CYP2J2: variants seen among roughly 807,000 people sequenced by gnomAD.
The protein encoded by CYP2J2 is cytochrome P450 2J2.
Under a neutral mutation model 48.8 loss-of-function variants are expected in CYP2J2, and 41 were observed. The ratio of observed to expected loss-of-function variants is 0.84; its 90% confidence interval spans 0.66 to 1.09. CYP2J2 has a LOEUF of 1.09. Among genes scored for constraint, CYP2J2 ranks in the 50% least tolerant of loss-of-function variants. CYP2J2 has a pLI of 0.00. For missense variants in CYP2J2, 644 were observed against 617.3 expected (o/e 1.04, Z -0.46); for synonymous variants, 221 against 227.1 (o/e 0.97, Z 0.24).
intron 8 of CYP2J2, among the ~76,000 whole-genome samples, chr1:59,899,170 T>A (rs778259804): frequency 1.3e-5 from 2 of 152,184 alleles, no homozygotes; most frequent in Non-Finnish European, 2.9e-5. Context: ...CACATGGATG[T>A]TGTGCAAGAG....
At chr1:59,965,486 T>C in the CYP2J2 span, among the ~76,000 whole-genome samples, 2 of 152,196 alleles carry the variant, frequency 1.3e-5, no homozygotes, top group African/African-American at 4.8e-5. Context: ...TGTGTTGTCA[T>C]CTACTGTCAG....
At chr1:59,961,977 A>G in the CYP2J2 span, among the ~76,000 whole-genome samples, 10 of 152,306 alleles carry the variant, frequency 6.6e-5, no homozygotes, top group African/African-American at 2.4e-4. Context: ...GTAGATAATA[A>G]GGAGTGATGC....
chr1:59,900,665 T>C lies in CYP2J2; in HGVS notation c.1330+300A>G, dbSNP rs11572307. ...AAAGAAAAAAAATGGAAGCACCTAA[T>C]CCTCTTTGTGAGCTGGTGGTGGAGT... On this transcript the variant is annotated intron_variant, in intron 8 of 8. Transcript: ENST00000371204. Among the ~76,000 whole-genome samples the C allele has an allele frequency of 0.071, 10,850 of 152,150 alleles. 387 individuals are homozygous for C. Among genetic ancestry groups the C allele is most frequent in the Middle Eastern group, 0.1 (30 of 294 alleles).
chr1:59,899,798 C>T (rs1449155266), intron 8 of CYP2J2, among the ~76,000 whole-genome samples: 3 of 152,128 alleles, frequency 2.0e-5, no homozygotes, highest in Admixed American at 6.6e-5. Flanking sequence ...ACCATGGGAG[C>T]AGTTTTGTTT....
chr1:59,934,989 G>GATATATATATATATATATATATATACAT, the CYP2J2 span, among the ~76,000 whole-genome samples: 7 of 58,400 alleles, frequency 1.2e-4, no homozygotes, highest in Non-Finnish European at 1.7e-4. Context: ...AAGAAAATGG[G>GATATATATATATATATATATATATACAT]ATATATATAT....
the CYP2J2 span, among the ~76,000 whole-genome samples, chr1:59,943,090 T>G: frequency 1.6e-3 from 238 of 152,324 alleles, no homozygotes; most frequent in African/African-American, 5.5e-3. Flanking sequence ...TTCTGGCCAT[T>G]TTAAATTTGA....
chr1:59,921,943 A>G (rs1314595692), intron 1 of CYP2J2, among the ~76,000 whole-genome samples: 1 of 152,130 alleles, frequency 6.6e-6, no homozygotes, highest in Non-Finnish European at 1.5e-5. Context: ...TCCCCATGTG[A>G]CCATCTCACC....
chr1:59,942,888 C>G, the CYP2J2 span, among the ~76,000 whole-genome samples: 4 of 152,192 alleles, frequency 2.6e-5, no homozygotes, highest in Non-Finnish European at 4.4e-5. Context: ...CACTTAACTG[C>G]ATAACCATCC....
the CYP2J2 span, among the ~76,000 whole-genome samples, chr1:59,956,577 T>C: frequency 6.6e-6 from 1 of 152,128 alleles, no homozygotes; most frequent in Non-Finnish European, 1.5e-5. Context: ...TTTCTTGCAT[T>C]GGTGTGATAC....
the CYP2J2 span, among the ~76,000 whole-genome samples, chr1:59,958,283 C>T: frequency 1.3e-5 from 2 of 152,094 alleles, no homozygotes; most frequent in Admixed American, 6.5e-5. Context: ...TTCACGTTAC[C>T]CAATGCCCCA....
At chr1:59,953,506 A>G in the CYP2J2 span, among the ~76,000 whole-genome samples, 5 of 150,338 alleles carry the variant, frequency 3.3e-5, no homozygotes, top group Non-Finnish European at 5.9e-5. Context: ...CAGTGTGTAT[A>G]TGTGTGTGTG....
chr1:59,933,204 C>T, the CYP2J2 span, among the ~76,000 whole-genome samples: 1 of 151,932 alleles, frequency 6.6e-6, no homozygotes, highest in Non-Finnish European at 1.5e-5. Context: ...TCTAAGGCAA[C>T]CTTAAACAAG....
At chr1:59,947,440 G>A in the CYP2J2 span, among the ~76,000 whole-genome samples, 1 of 152,178 alleles carries the variant, frequency 6.6e-6, no homozygotes, top group Non-Finnish European at 1.5e-5. Flanking sequence ...GCAGTTAATT[G>A]GAGAGCTTAG....
chr1:59,966,835 C>T, the CYP2J2 span, among the ~76,000 whole-genome samples: 1 of 152,070 alleles, frequency 6.6e-6, no homozygotes, highest in Admixed American at 6.5e-5. Context: ...AAATTTTCAC[C>T]CATATCACTA....
the CYP2J2 span, among the ~76,000 whole-genome samples, chr1:59,934,752 T>C: frequency 8.6e-5 from 13 of 151,774 alleles, no homozygotes; most frequent in Admixed American, 5.3e-4. Flanking sequence ...TTGTGCACTG[T>C]TGGTGGGAAT....
At chr1:59,916,216 T>C in intron 1 of CYP2J2, 116 bp from the exon 2 acceptor site, 1 of 760,318 alleles carries the variant, frequency 1.3e-6, no homozygotes, top group South Asian at 1.8e-5. Flanking sequence ...TCTGTGTCTG[T>C]GTGTGTACGT....
the CYP2J2 span, among the ~76,000 whole-genome samples, chr1:59,960,718 C>T: frequency 5.9e-5 from 9 of 152,148 alleles, no homozygotes; most frequent in Non-Finnish European, 1.3e-4. Flanking sequence ...TGGCAGAGGC[C>T]TGTAATCCCA....
At chr1:59,962,361 T>C in the CYP2J2 span, among the ~76,000 whole-genome samples, 4 of 152,250 alleles carry the variant, frequency 2.6e-5, no homozygotes, top group East Asian at 3.9e-4. Flanking sequence ...ATGGCAGCCA[T>C]GTAGCCAGCC....
At chr1:59,950,621 C>A in the CYP2J2 span, among the ~76,000 whole-genome samples, 2 of 152,170 alleles carry the variant, frequency 1.3e-5, no homozygotes, top group African/African-American at 2.4e-5. Flanking sequence ...TTTAAATCAC[C>A]CCCGACCATA....
Sources: gnomAD v4.1 joint callset for allele counts (sites outside exome capture counted in the v4.1 genomes callset) on GRCh38, gnomAD v4.1.1 for gene constraint, MANE v1.5 for transcripts, NCBI Gene and HGNC (gene_info 2026-07-23, HGNC 2026-07-21) for gene names.